VANGL1: variants seen among roughly 807,000 people sequenced by gnomAD.
VANGL1 encodes vang-like protein 1.
In VANGL1, 18 loss-of-function variants were observed where a neutral mutation model predicts 48.4. The observed-to-expected ratio is 0.37, with a 90% confidence interval of 0.26 to 0.55. VANGL1 has a LOEUF of 0.55. Ranked by LOEUF, VANGL1 falls within the 20% of genes least tolerant of loss-of-function variation. The pLI is 0.81. For missense variants in VANGL1, 667 were observed against 675.8 expected (o/e 0.99, Z 0.14); for synonymous variants, 257 against 261.8 (o/e 0.98, Z 0.18).
intron 2 of VANGL1, among the ~76,000 whole-genome samples, chr1:115,655,237 C>T (rs1322912463): frequency 6.6e-6 from 1 of 152,066 alleles, no homozygotes; most frequent in Non-Finnish European, 1.5e-5. Flanking sequence ...ACCGGTGGGG[C>T]CAGCTTTCCC....
rs549842222 is a variant in VANGL1, at chr1:115,691,298, A to T, written c.1494A>T (p.Pro498=). Residue 498 remains proline (P), a synonymous_variant, in exon 8 of 8, where the codon CCA becomes CCT. Coordinates refer to ENST00000355485, the MANE Select transcript of VANGL1 (RefSeq NM_138959.3). ...FSLVVNVKKI[P]FIILSEEFID... is the part of the protein sequence containing the mutation. ...TCGTAGTCAATGTGAAGAAAATTCCATTCATCATACTCTCTGAAGAGTTCA... is the reference window on the plus strand; with the variant it reads ...TCGTAGTCAATGTGAAGAAAATTCCTTTCATCATACTCTCTGAAGAGTTCA... 6.2e-7 allele frequency: 1 copy of T among 1,614,022 alleles called. No individual in the cohort carries two copies. Among genetic ancestry groups the T allele is most frequent in the Non-Finnish European group, 8.5e-7 (1 of 1,180,046 alleles).
intron 2 of VANGL1, among the ~76,000 whole-genome samples, chr1:115,652,324 A>G (rs1652183621): frequency 6.6e-6 from 1 of 152,314 alleles, no homozygotes; most frequent in East Asian, 1.9e-4. Context: ...ACTGACCTGT[A>G]GAATGTTTGT....
Position 115,697,011 on chromosome 1 carries a change from C to CG in VANGL1, c.*5632_*5633insG, listed in dbSNP as rs1314246057. ...GTACAGTTGTTTGGTTTTGTATGTG[C>CG]TTATCTTTATCTGAGCTTTCACTTG... On this transcript the variant is annotated 3_prime_UTR_variant, in exon 8 of 8. Transcript: ENST00000355485. 6.6e-6 allele frequency: 1 copy of CG among 152,194 alleles called. No individual in the cohort carries two copies. The highest frequency in any genetic ancestry group is 1.5e-5 in the Non-Finnish European group (1 of 68,024). 9.4% of individuals were successfully genotyped at this position (152,194 alleles called of 1,614,324 possible). A position where few individuals can be genotyped will look rare whatever the true frequency, so the allele number is the denominator to read the frequency against.
At chr1:115,666,238 G>T (rs1315078414) in intron 4 of VANGL1, among the ~76,000 whole-genome samples, 1 of 152,154 alleles carries the variant, frequency 6.6e-6, no homozygotes, top group Admixed American at 6.5e-5. Flanking sequence ...CTGTGTAGGT[G>T]GGAAAGGGCA....
intron 1 of VANGL1, among the ~76,000 whole-genome samples, chr1:115,647,095 A>G (rs1054529409): frequency 6.6e-6 from 1 of 152,248 alleles, no homozygotes; most frequent in Non-Finnish European, 1.5e-5. Context: ...GTGCAGTGGG[A>G]CACCACGGAA....
intron 4 of VANGL1, among the ~76,000 whole-genome samples, chr1:115,672,961 G>A (rs969169999): frequency 5.3e-5 from 8 of 152,148 alleles, no homozygotes; most frequent in African/African-American, 1.9e-4. Flanking sequence ...TAGCTCTTAC[G>A]GACTCTTCTG....
At chr1:115,644,085 T>G (rs936718414) in intron 1 of VANGL1, among the ~76,000 whole-genome samples, 6 of 152,218 alleles carry the variant, frequency 3.9e-5, no homozygotes, top group Admixed American at 1.3e-4. Flanking sequence ...ATATGTGGTT[T>G]GGGACAATTT....
chr1:115,642,874 A>G (rs1475978433), intron 1 of VANGL1, among the ~76,000 whole-genome samples: 1 of 152,180 alleles, frequency 6.6e-6, no homozygotes, highest in Non-Finnish European at 1.5e-5. Context: ...TCGCGCCTAG[A>G]GAAGTGTGAA....
intron 1 of VANGL1, among the ~76,000 whole-genome samples, chr1:115,645,605 T>C (rs947704204): frequency 2.6e-5 from 4 of 152,220 alleles, no homozygotes; most frequent in Admixed American, 6.5e-5. Flanking sequence ...TTTGGGCTCA[T>C]TGCTACTCTC....
rs1653700526 is a variant in VANGL1 at position 115,688,030 on chromosome 1, A to G, written c.1314+2503A>G. 3.1e-5 allele frequency among the ~76,000 whole-genome samples: 4 copies of G among 130,674 alleles called. 2 individuals carry two copies. Among genetic ancestry groups the G allele is most frequent in the African/African-American group, 5.7e-5 (2 of 34,838 alleles). 85.7% of individuals were successfully genotyped at this position (130,674 alleles called of 152,430 possible). A position where few individuals can be genotyped will look rare whatever the true frequency, so the allele number is the denominator to read the frequency against. On this transcript the variant is annotated intron_variant, in intron 7 of 7. Transcript: ENST00000355485. ...CATAGATAGATACATAGATATATAC[A>G]TAGATAGATAGATAGCCTATATATT...
At chr1:115,661,260 G>T (rs1365572662) in intron 3 of VANGL1, among the ~76,000 whole-genome samples, 1 of 152,052 alleles carries the variant, frequency 6.6e-6, no homozygotes, top group Non-Finnish European at 1.5e-5. Context: ...AGCTTAACAG[G>T]ATCCTTTGTG....
intron 2 of VANGL1, 128 bp from the exon 3 acceptor site, chr1:115,659,508 TGTGTG>T: frequency 5.8e-6 from 2 of 344,522 alleles, no homozygotes; most frequent in Non-Finnish European, 7.5e-6. Flanking sequence ...TGATGCTCTG[TGTGTG>T]TGTGTGTGTG....
rs1209370700 is a variant in VANGL1 at position 115,676,607 on chromosome 1, T to C, written c.813-5757T>C. On this transcript the variant is annotated intron_variant, in intron 4 of 7. Transcript: ENST00000355485. ...TACTCCTCTTTAGGAAGCAGGAAAG[T>C]GGTGGGTGAACTCCCAAGTCTCCAG... is the stretch of plus-strand genomic sequence containing the variant. 1.3e-4 allele frequency among the ~76,000 whole-genome samples: 20 copies of C among 152,218 alleles called. 1 individual carries two copies. Among genetic ancestry groups the C allele is most frequent in the Admixed American group, 1.2e-3 (19 of 15,280 alleles).
Position 115,685,247 on chromosome 1 carries a change from T to A in VANGL1, c.1080-46T>A, listed in dbSNP as rs1241712733. The A allele has an allele frequency of 1.9e-6, 3 of 1,605,392 alleles. No individual in the cohort carries two copies. The Admixed American group carries it at 5.0e-5, about 27-fold the overall frequency. On this transcript the variant is annotated intron_variant, in intron 6 of 7. Transcript: ENST00000355485. ...CAAGCGTCATTCTGTTCTCACACCC[T>A]GTGGCAGGCACCATCCTGATTACTT... is the stretch of plus-strand genomic sequence containing the variant.
chr1:115,646,439 C>T (rs1651916113), intron 1 of VANGL1, among the ~76,000 whole-genome samples: 1 of 150,072 alleles, frequency 6.7e-6, no homozygotes, highest in Non-Finnish European at 1.5e-5. Flanking sequence ...CTCAGTGTGT[C>T]TGGCATACGA....
intron 4 of VANGL1, among the ~76,000 whole-genome samples, chr1:115,678,097 T>A (rs560561418): frequency 6.6e-6 from 1 of 152,378 alleles, no homozygotes; most frequent in South Asian, 2.1e-4. Context: ...CCAAAGGACG[T>A]GTCCCCTGTG....
Position 115,683,963 on chromosome 1 carries a change from T to A in VANGL1, c.966T>A (p.Thr322=), listed in dbSNP as rs1224932134. 1 of 1,613,812 alleles carries A rather than the reference T, an allele frequency of 6.2e-7. No homozygotes were observed. The highest frequency in any genetic ancestry group is 8.5e-7 in the Non-Finnish European group (1 of 1,179,842). Residue 322 remains threonine (T), a synonymous_variant, in exon 6 of 8, where the codon ACT becomes ACA. Coordinates refer to ENST00000355485, the MANE Select transcript of VANGL1 (RefSeq NM_138959.3). ...YNVDGPSNNA[T]GQSRAMIAAA... is the part of the protein sequence containing the mutation. ...CCAAAGGCCCCAGTAACAATGCCAC[T>A]GGCCAGTCCCGGGCCATGATTGCTG...
At chr1:115,671,808 C>T (rs77797301) in intron 4 of VANGL1, among the ~76,000 whole-genome samples, 8,949 of 152,172 alleles carry the variant, frequency 0.059, 288 homozygotes, top group East Asian at 0.14. Flanking sequence ...TGTAGGGAAG[C>T]GTGTCTCCTA....
intron 5 of VANGL1, among the ~76,000 whole-genome samples, chr1:115,682,812 G>T (rs961075330): frequency 6.6e-6 from 1 of 152,148 alleles, no homozygotes; most frequent in African/African-American, 2.4e-5. Flanking sequence ...CAAAATTGGT[G>T]CACATTACCC....
Sources: allele counts gnomAD v4.1 joint callset (sites outside exome capture counted in the v4.1 genomes callset), GRCh38; gene constraint gnomAD v4.1.1; transcripts MANE v1.5; gene names NCBI Gene and HGNC (gene_info 2026-07-23, HGNC 2026-07-21).